The following RAB38 variants were observed in gnomAD, a reference collection of about 807,000 sequenced individuals.
RAB38 encodes the protein ras-related protein Rab-38.
A neutral mutation model predicts 18.4 loss-of-function variants in RAB38; 15 were observed. The ratio of observed to expected loss-of-function variants is 0.82; its 90% CI spans 0.55 to 1.26. The LOEUF (loss-of-function observed/expected upper bound fraction) is 1.26. Among genes scored for constraint, RAB38 ranks in the 50% most tolerant of loss-of-function variants. The pLI is 0.00. For missense variants in RAB38, 294 were observed against 267.4 expected (o/e 1.10, Z -0.69); for synonymous variants, 101 against 104.4 (o/e 0.97, Z 0.20).
chr11:87,941,492 G>A, the RAB38 span, among the ~76,000 whole-genome samples: 1 of 151,674 alleles, frequency 6.6e-6, no homozygotes, highest in Non-Finnish European at 1.5e-5. Context: ...AAGATGGTAT[G>A]ATTTTACTAA....
chr11:88,021,990 C>T, the RAB38 span, among the ~76,000 whole-genome samples: 2 of 151,738 alleles, frequency 1.3e-5, no homozygotes, highest in African/African-American at 2.4e-5. Flanking sequence ...TACTTTCAAA[C>T]TCATTCTATA....
chr11:88,052,487 G>A, the RAB38 span, among the ~76,000 whole-genome samples: 1 of 151,992 alleles, frequency 6.6e-6, no homozygotes, highest in Non-Finnish European at 1.5e-5. Context: ...GGTAACAATA[G>A]AACTGGATTT....
At chr11:88,174,364 AT>A (rs746944557) in intron 1 of RAB38, among the ~76,000 whole-genome samples, 64 of 152,154 alleles carry the variant, frequency 4.2e-4, no homozygotes, top group Non-Finnish European at 6.8e-4. Flanking sequence ...TCAAAATCTG[AT>A]TTTAAATATT....
At chr11:88,014,005 G>A in the RAB38 span, among the ~76,000 whole-genome samples, 3 of 152,212 alleles carry the variant, frequency 2.0e-5, no homozygotes, top group African/African-American at 7.2e-5. Flanking sequence ...CGTAGCAGTA[G>A]CTATTATTGT....
the RAB38 span, among the ~76,000 whole-genome samples, chr11:87,976,681 T>TTTATATAATATA: frequency 0.02 from 686 of 33,662 alleles, 8 homozygotes; most frequent in African/African-American, 0.05. Context: ...TGATATATAT[T>TTTATATAATATA]TATATATTTA....
the RAB38 span, among the ~76,000 whole-genome samples, chr11:87,949,096 C>T: frequency 6.6e-6 from 1 of 152,264 alleles, no homozygotes; most frequent in African/African-American, 2.4e-5. Context: ...AGAGATTCAA[C>T]TTCTTCCTGG....
At chr11:88,026,290 G>A in the RAB38 span, among the ~76,000 whole-genome samples, 1 of 151,920 alleles carries the variant, frequency 6.6e-6, no homozygotes, top group Non-Finnish European at 1.5e-5. Flanking sequence ...ACAGCCAGGT[G>A]CGCTGGCTCA....
At chr11:88,045,735 C>A in the RAB38 span, among the ~76,000 whole-genome samples, 1 of 152,186 alleles carries the variant, frequency 6.6e-6, no homozygotes, top group African/African-American at 2.4e-5. Context: ...CAGTGGAGGT[C>A]AAGTCCGTCC....
chr11:87,976,047 G>T, the RAB38 span, among the ~76,000 whole-genome samples: 2 of 150,724 alleles, frequency 1.3e-5, no homozygotes, highest in Admixed American at 1.3e-4. Flanking sequence ...CTATTGCTGT[G>T]AAAGAAATAG....
chr11:87,948,128 T>A, the RAB38 span, among the ~76,000 whole-genome samples: 3 of 152,310 alleles, frequency 2.0e-5, no homozygotes, highest in East Asian at 1.9e-4. Flanking sequence ...GTAAGTTGGA[T>A]TCCTAGGTAT....
At chr11:87,949,568 C>G in the RAB38 span, among the ~76,000 whole-genome samples, 16 of 152,098 alleles carry the variant, frequency 1.1e-4, no homozygotes, top group Admixed American at 4.6e-4. Context: ...TGAATGTGTC[C>G]CAGAGATTGT....
At chr11:87,955,973 T>C in the RAB38 span, among the ~76,000 whole-genome samples, 1 of 152,156 alleles carries the variant, frequency 6.6e-6, no homozygotes, top group Non-Finnish European at 1.5e-5. Context: ...AATGCAATTT[T>C]ATAAAACTCT....
chr11:88,118,841 G>C (rs1294100074), intron 2 of RAB38, among the ~76,000 whole-genome samples: 1 of 152,170 alleles, frequency 6.6e-6, no homozygotes, highest in Non-Finnish European at 1.5e-5. Flanking sequence ...AACAAATGGA[G>C]TTAATTAAGC....
chr11:88,162,807 C>T (rs190039562), intron 1 of RAB38, among the ~76,000 whole-genome samples: 1 of 152,196 alleles, frequency 6.6e-6, no homozygotes, highest in Admixed American at 6.5e-5. Context: ...AATTTTCAGA[C>T]TGAGGTCAAG....
chr11:87,922,548 C>T, the RAB38 span, among the ~76,000 whole-genome samples: 2 of 146,956 alleles, frequency 1.4e-5, no homozygotes, highest in Admixed American at 6.7e-5. Flanking sequence ...ATTTTCCAAG[C>T]CTCATTTTTC....
the RAB38 span, among the ~76,000 whole-genome samples, chr11:87,952,661 G>A: frequency 6.6e-6 from 1 of 152,176 alleles, no homozygotes; most frequent in Non-Finnish European, 1.5e-5. Context: ...TACTATGCAT[G>A]GTTTCGGACA....
At chr11:88,046,029 T>A in the RAB38 span, among the ~76,000 whole-genome samples, 1 of 152,112 alleles carries the variant, frequency 6.6e-6, no homozygotes, top group Non-Finnish European at 1.5e-5. Flanking sequence ...TTCCCCCAGT[T>A]CAAAGCCTCC....
the RAB38 span, among the ~76,000 whole-genome samples, chr11:87,807,446 AAGCAT>A: frequency 6.6e-6 from 1 of 152,220 alleles, no homozygotes; most frequent in Non-Finnish European, 1.5e-5. Flanking sequence ...TGGCTGGAAA[AAGCAT>A]AGCACAGCTA....
the RAB38 span, among the ~76,000 whole-genome samples, chr11:88,026,359 C>G: frequency 6.6e-5 from 10 of 151,168 alleles, no homozygotes; most frequent in South Asian, 2.1e-4. Flanking sequence ...GTCAGGAGAT[C>G]GAGACCATCC....
Sources: gnomAD v4.1 joint callset for allele counts (sites outside exome capture counted in the v4.1 genomes callset) on GRCh38, gnomAD v4.1.1 for gene constraint, MANE v1.5 for transcripts, NCBI Gene and HGNC (gene_info 2026-07-23, HGNC 2026-07-21) for gene names.